SLIT1: variants seen among roughly 807,000 people sequenced by gnomAD.
The protein encoded by SLIT1 is slit guidance ligand 1.
Under a neutral mutation model 186.1 loss-of-function variants are expected in SLIT1, and 66 were observed. The ratio of observed to expected loss-of-function variants is 0.35; its 90% CI spans 0.29 to 0.44. The LOEUF (loss-of-function observed/expected upper bound fraction) is 0.44. Ranked by LOEUF, SLIT1 falls within the 20% of genes least tolerant of loss-of-function variation. SLIT1 has a pLI of 1.00. For missense variants in SLIT1, 1,638 were observed against 2,037.4 expected, an observed-to-expected ratio of 0.80 and a Z score of 3.77; for synonymous variants, 761 against 833.8, an observed-to-expected ratio of 0.91 and a Z score of 1.50.
rs554563291 is a variant in SLIT1, at chr10:97,141,229, C to T, written c.413+16589G>A. On this transcript the variant is annotated intron_variant, in intron 4 of 36. Transcript: ENST00000266058. ...GCAGCCCACCCTTCAGCAGCCAGCTCGTGTCTAGGAAGCCTGCCTCGTGCA... is the reference window on the plus strand; with the variant it reads ...GCAGCCCACCCTTCAGCAGCCAGCTTGTGTCTAGGAAGCCTGCCTCGTGCA... Among the ~76,000 whole-genome samples the T allele has an allele frequency of 1.4e-4, 22 of 152,302 alleles. No individual in the cohort carries two copies. The East Asian group carries it at 1.9e-3, about 13-fold the overall frequency.
At chr10:97,171,317 C>T (rs1850185622) in intron 1 of SLIT1, among the ~76,000 whole-genome samples, 1 of 152,162 alleles carries the variant, frequency 6.6e-6, no homozygotes, top group African/African-American at 2.4e-5. Flanking sequence ...CCCATCCCAC[C>T]TGCCAGCTGC....
intron 3 of SLIT1, among the ~76,000 whole-genome samples, chr10:97,161,445 T>C (rs1156665835): frequency 6.6e-6 from 1 of 152,220 alleles, no homozygotes; most frequent in Non-Finnish European, 1.5e-5. Flanking sequence ...GGCAATCGGA[T>C]TCTTTTCCTT....
At chr10:97,063,392 G>A (rs978538166) in intron 8 of SLIT1, 63 bp downstream of exon 8, 42 of 1,570,528 alleles carry the variant, frequency 2.7e-5, no homozygotes, top group Middle Eastern at 2.3e-4. Context: ...GATTAGGGGC[G>A]GGAACAAGAG....
At chr10:97,064,777 C>T (rs1323394525) in intron 6 of SLIT1, 28 bp downstream of exon 6, 7 of 1,573,360 alleles carry the variant, frequency 4.4e-6, no homozygotes, top group Non-Finnish European at 6.1e-6. Flanking sequence ...CCTCCACACC[C>T]CTCCTTCCTT....
At chr10:97,086,264 T>C (rs975970504) in intron 4 of SLIT1, among the ~76,000 whole-genome samples, 2 of 152,170 alleles carry the variant, frequency 1.3e-5, no homozygotes, top group Admixed American at 1.3e-4. Context: ...TGGAATATTA[T>C]TCAGTGATAA....
chr10:97,147,624 A>G (rs1187662268), intron 4 of SLIT1, among the ~76,000 whole-genome samples: 2 of 149,414 alleles, frequency 1.3e-5, no homozygotes, highest in Non-Finnish European at 3.0e-5. Context: ...TCAGGTTCAG[A>G]GAGCTGGGAG....
In SLIT1 at chr10:97,056,354, C is replaced by A. The variant is rs759933883; in HGVS notation, c.1268G>T (p.Gly423Val). 1.2e-6 allele frequency: 2 copies of A among 1,614,184 alleles called. No homozygotes were observed. Among genetic ancestry groups the A allele is most frequent in the Non-Finnish European group, 1.7e-6 (2 of 1,180,020 alleles). ...GATGGCCCGCAGGGAGGTGAAAGTG[C>A]CCTTGGCGAGGCTCTGGATCTTGTT... ...YDNKIQSLAK[G>V]TFTSLRAIQT... The change falls in exon 13 of 37, where the codon GGC becomes GTC. Residue 423 changes from glycine to valine, a missense_variant. Transcript: ENST00000266058.
At chr10:97,094,803 A>G (rs1313254125) in intron 4 of SLIT1, among the ~76,000 whole-genome samples, 1 of 152,238 alleles carries the variant, frequency 6.6e-6, no homozygotes. Context: ...CAATTAATTA[A>G]AACTACTTTA....
In SLIT1 at chr10:97,010,113, C is replaced by T. The variant is rs1003624830; in HGVS notation, c.3341+880G>A. ...TACACAAAAACCTGTACAAAAATGT[C>T]GATAAGATCAGTCTTCATTATAGCC... On this transcript the variant is annotated intron_variant, in intron 31 of 36. Coordinates refer to ENST00000266058, the MANE Select transcript of SLIT1 (RefSeq NM_003061.3). This position sits in a 1 kb window ranked among gnomAD's most constrained non-coding sequence, Gnocchi z 4.8. 2.0e-5 allele frequency among the ~76,000 whole-genome samples: 3 copies of T among 152,182 alleles called. No individual in the cohort carries two copies. Among genetic ancestry groups the T allele is most frequent in the Non-Finnish European group, 4.4e-5 (3 of 68,034 alleles).
At chr10:97,086,156 G>A (rs1414154593) in intron 4 of SLIT1, among the ~76,000 whole-genome samples, 2 of 152,240 alleles carry the variant, frequency 1.3e-5, no homozygotes, top group Admixed American at 1.3e-4. Flanking sequence ...GTACATGGGT[G>A]TTTATGGCAG....
At chr10:97,078,970 G>A (rs1387632420) in intron 4 of SLIT1, among the ~76,000 whole-genome samples, 1 of 152,236 alleles carries the variant, frequency 6.6e-6, no homozygotes, top group South Asian at 2.1e-4. Flanking sequence ...GACACACAAT[G>A]GTGGGGGCAG....
At chr10:97,146,430 C>G (rs1038694223) in intron 4 of SLIT1, among the ~76,000 whole-genome samples, 1 of 152,082 alleles carries the variant, frequency 6.6e-6, no homozygotes, top group Non-Finnish European at 1.5e-5. Context: ...CCGTCTCTAC[C>G]CACTGAAAGG....
intron 25 of SLIT1, among the ~76,000 whole-genome samples, chr10:97,029,080 C>T (rs963699895): frequency 1.3e-5 from 2 of 152,136 alleles, no homozygotes; most frequent in East Asian, 1.9e-4. Flanking sequence ...ACGCACTTCC[C>T]GGTTCAATCA....
chr10:97,084,745 G>A (rs1349694440), intron 4 of SLIT1, among the ~76,000 whole-genome samples: 1 of 147,924 alleles, frequency 6.8e-6, no homozygotes. Flanking sequence ...AGCTGGGATT[G>A]CAGGCGAGTG....
At chr10:97,123,682 C>T (rs1047328814) in intron 4 of SLIT1, among the ~76,000 whole-genome samples, 2 of 151,470 alleles carry the variant, frequency 1.3e-5, no homozygotes, top group Admixed American at 6.6e-5. Context: ...CCCAGCTACT[C>T]GAGAGGCTGA....
intron 1 of SLIT1, among the ~76,000 whole-genome samples, chr10:97,177,191 C>T (rs1202360579): frequency 6.6e-6 from 1 of 152,188 alleles, no homozygotes; most frequent in Non-Finnish European, 1.5e-5. Flanking sequence ...TCTCTCTCTC[C>T]AACCTGAATA....
intron 4 of SLIT1, among the ~76,000 whole-genome samples, chr10:97,081,497 C>T (rs1479338330): frequency 6.6e-6 from 1 of 152,180 alleles, no homozygotes; most frequent in Non-Finnish European, 1.5e-5. Flanking sequence ...CCCCATTCTT[C>T]CACACCTCAG....
intron 25 of SLIT1, among the ~76,000 whole-genome samples, chr10:97,026,676 AC>A (rs1197604301): frequency 6.6e-6 from 1 of 152,190 alleles, no homozygotes; most frequent in African/African-American, 2.4e-5. Flanking sequence ...AGCAATGAAG[AC>A]AGACATTGGG....
chr10:97,008,451 T>C (rs1402058948), intron 31 of SLIT1, among the ~76,000 whole-genome samples: 1 of 152,146 alleles, frequency 6.6e-6, no homozygotes, highest in Non-Finnish European at 1.5e-5. Flanking sequence ...TCCCAGCACT[T>C]TGGGAGGCCG....
Sources: allele counts gnomAD v4.1 joint callset (sites outside exome capture counted in the v4.1 genomes callset), GRCh38; gene constraint gnomAD v4.1.1; non-coding constraint Gnocchi (gnomAD v3.1); transcripts MANE v1.5; gene names NCBI Gene and HGNC (gene_info 2026-07-23, HGNC 2026-07-21).